Variants in GALNTL6 observed in about 807,000 individuals in gnomAD.
GALNTL6 encodes the protein polypeptide N-acetylgalactosaminyltransferase like 6.
GALNTL6 carries 46 observed loss-of-function variants against 73.7 expected under a neutral mutation model. That is an observed-to-expected ratio of 0.62 (90% CI 0.49 to 0.80). The LOEUF is 0.80. Ranked by LOEUF, GALNTL6 falls within the 30% of genes least tolerant of loss-of-function variation. GALNTL6 has a pLI of 0.00. For missense variants in GALNTL6, 604 were observed against 755.0 expected, an observed-to-expected ratio of 0.80 and a Z score of 2.34; for synonymous variants, 259 against 263.7, an observed-to-expected ratio of 0.98 and a Z score of 0.17.
At chr4:172,595,938 A>G (rs1455883185) in intron 5 of GALNTL6, among the ~76,000 whole-genome samples, 2 of 152,114 alleles carry the variant, frequency 1.3e-5, no homozygotes, top group African/African-American at 4.8e-5. Context: ...CAGATCAAAT[A>G]ATTTTAGGAC....
intron 3 of GALNTL6, among the ~76,000 whole-genome samples, chr4:172,265,444 G>A (rs2111045352): frequency 6.6e-6 from 1 of 152,098 alleles, no homozygotes; most frequent in African/African-American, 2.4e-5. Flanking sequence ...CATTTCATTG[G>A]GTTGTCAGTC....
chr4:171,964,577 C>G (rs1560861895), intron 2 of GALNTL6, among the ~76,000 whole-genome samples: 1 of 152,090 alleles, frequency 6.6e-6, no homozygotes, highest in Admixed American at 6.6e-5. Flanking sequence ...CCCGAACATA[C>G]CCCATTTTCA....
In GALNTL6 at chr4:172,479,020, G is replaced by A. The variant is rs1314033209; in HGVS notation, c.553+130331G>A. Among the ~76,000 whole-genome samples the A allele has an allele frequency of 2.6e-5, 4 of 152,284 alleles. No individual in the cohort carries two copies. The South Asian group carries it at 8.3e-4, about 32-fold the overall frequency. ...TTTAAAAGTCAGAAAACAAATAGAT[G>A]TTGGTGTGGATGTGGTGAAAAAGAA... On this transcript the variant is annotated intron_variant, in intron 5 of 12. Transcript: ENST00000506823.
At chr4:171,979,897 G>A (rs1739844698) in intron 2 of GALNTL6, among the ~76,000 whole-genome samples, 1 of 151,980 alleles carries the variant, frequency 6.6e-6, no homozygotes, top group East Asian at 1.9e-4. Context: ...AGAAACTATA[G>A]AACATCTAGA....
At chr4:172,860,447 T>C (rs1292838355) in intron 7 of GALNTL6, among the ~76,000 whole-genome samples, 1 of 152,164 alleles carries the variant, frequency 6.6e-6, no homozygotes, top group East Asian at 1.9e-4. Flanking sequence ...AAATTGGACC[T>C]TATTAATCTT....
chr4:172,483,334 A>G (rs1357156471), intron 5 of GALNTL6, among the ~76,000 whole-genome samples: 1 of 152,186 alleles, frequency 6.6e-6, no homozygotes, highest in Non-Finnish European at 1.5e-5. Context: ...GTAGGTTTTC[A>G]GGAAAAGAGA....
intron 6 of GALNTL6, 39 bp from the exon 7 acceptor site, chr4:172,813,501 C>G (rs764746205): frequency 6.6e-7 from 1 of 1,522,064 alleles, no homozygotes; most frequent in South Asian, 1.2e-5. Flanking sequence ...ATGACCTAGG[C>G]AGGCATGTCA....
intron 2 of GALNTL6, among the ~76,000 whole-genome samples, chr4:172,019,011 T>G (rs538924053): frequency 6.6e-6 from 1 of 152,266 alleles, no homozygotes; most frequent in East Asian, 1.9e-4. Context: ...GATCTGGATT[T>G]TCAGATTCCC....
At chr4:172,552,018 T>C (rs942103709) in intron 5 of GALNTL6, among the ~76,000 whole-genome samples, 1 of 152,210 alleles carries the variant, frequency 6.6e-6, no homozygotes, top group Non-Finnish European at 1.5e-5. Flanking sequence ...TATCTCACTA[T>C]GTAAATACTT....
At chr4:172,227,707 G>A (rs920716112) in intron 2 of GALNTL6, among the ~76,000 whole-genome samples, 1 of 152,098 alleles carries the variant, frequency 6.6e-6, no homozygotes, top group African/African-American at 2.4e-5. Flanking sequence ...TGCATCTGAT[G>A]CTTTATTGTC....
At chr4:172,984,107 C>A (rs778838902) in intron 10 of GALNTL6, among the ~76,000 whole-genome samples, 36 of 152,028 alleles carry the variant, frequency 2.4e-4, no homozygotes, top group Non-Finnish European at 4.9e-4. Flanking sequence ...CTTAGGCCAC[C>A]AGATATAGAA....
At chr4:172,633,702 G>T (rs573323975) in intron 5 of GALNTL6, among the ~76,000 whole-genome samples, 1 of 152,150 alleles carries the variant, frequency 6.6e-6, no homozygotes, top group African/African-American at 2.4e-5. Context: ...GCCAGGGGTG[G>T]AATGATATGT....
intron 7 of GALNTL6, among the ~76,000 whole-genome samples, chr4:172,854,819 A>G (rs1263853725): frequency 1.3e-5 from 2 of 152,224 alleles, no homozygotes; most frequent in Non-Finnish European, 2.9e-5. Flanking sequence ...CATCGCAACT[A>G]GACGGTAAAC....
At chr4:172,420,183 T>C (rs1252122081) in intron 5 of GALNTL6, among the ~76,000 whole-genome samples, 3 of 152,200 alleles carry the variant, frequency 2.0e-5, no homozygotes, top group Non-Finnish European at 4.4e-5. Context: ...TCTAGGCTCA[T>C]TGTCATGAGT....
At chr4:171,972,936 A>C (rs1272578187) in intron 2 of GALNTL6, among the ~76,000 whole-genome samples, 1 of 152,224 alleles carries the variant, frequency 6.6e-6, no homozygotes, top group East Asian at 1.9e-4. Flanking sequence ...ATTTCTTCTT[A>C]AAAAGGAATT....
At chr4:172,782,669 C>T (rs1023567193) in intron 5 of GALNTL6, among the ~76,000 whole-genome samples, 5 of 152,236 alleles carry the variant, frequency 3.3e-5, no homozygotes, top group East Asian at 1.9e-4. Flanking sequence ...TGTCTTCACA[C>T]GGCTTCTTCG....
intron 2 of GALNTL6, among the ~76,000 whole-genome samples, chr4:171,824,753 A>C (rs1734779060): frequency 6.6e-6 from 1 of 152,072 alleles, no homozygotes; most frequent in African/African-American, 2.4e-5. Flanking sequence ...TTTTGTTTCT[A>C]GATCCATCAA....
intron 2 of GALNTL6, among the ~76,000 whole-genome samples, chr4:171,924,624 T>C (rs1737917331): frequency 6.6e-6 from 1 of 152,196 alleles, no homozygotes; most frequent in African/African-American, 2.4e-5. Flanking sequence ...TATTCATCTT[T>C]GAGCCACCAA....
At chr4:172,336,526 C>T (rs28796873) in intron 4 of GALNTL6, among the ~76,000 whole-genome samples, 23,659 of 151,402 alleles carry the variant, frequency 0.16, 2,036 homozygotes, top group Middle Eastern at 0.19. Context: ...CCGCCCACCT[C>T]GGCCTCCCAA....
Sources: gnomAD v4.1 joint callset for allele counts (sites outside exome capture counted in the v4.1 genomes callset) on GRCh38, gnomAD v4.1.1 for gene constraint, MANE v1.5 for transcripts, NCBI Gene and HGNC (gene_info 2026-07-23, HGNC 2026-07-21) for gene names.